The following LRRC37A2 variants were observed in gnomAD, a reference collection of about 807,000 sequenced individuals.
LRRC37A2 encodes the protein leucine rich repeat containing 37 member A2, also known as leucine-rich repeat-containing protein 37A2.
Under a neutral mutation model 68.8 loss-of-function variants are expected in LRRC37A2, and 9 were observed. That is an observed-to-expected ratio of 0.13 (90% confidence interval 0.08 to 0.23). The LOEUF is 0.23. Among genes scored for constraint, LRRC37A2 ranks in the 10% least tolerant of loss-of-function variants. LRRC37A2 has a pLI of 1.00. For missense variants in LRRC37A2, 168 were observed against 950.4 expected, an observed-to-expected ratio of 0.18 and a Z score of 10.82; for synonymous variants, 63 against 367.6, an observed-to-expected ratio of 0.17 and a Z score of 9.48.
chr17:46,931,746 A>G, the LRRC37A2 span: 4 of 418,790 alleles, frequency 9.6e-6, no homozygotes, highest in Non-Finnish European at 1.3e-5. Context: ...CAGGAGAGCC[A>G]TATAATCCAT....
chr17:46,869,350 G>A, the LRRC37A2 span, among the ~76,000 whole-genome samples: 3 of 152,222 alleles, frequency 2.0e-5, no homozygotes, highest in African/African-American at 7.2e-5. Context: ...CACTGGCCAT[G>A]CAGAGCTGGG....
At chr17:47,020,184 GATCT>G in the LRRC37A2 span, among the ~76,000 whole-genome samples, 1 of 150,032 alleles carries the variant, frequency 6.7e-6, no homozygotes, top group Admixed American at 6.6e-5. Flanking sequence ...TTTGAACCCA[GATCT>G]ATTTATTAGC....
At chr17:47,033,528 C>T in the LRRC37A2 span, 1 of 602,614 alleles carries the variant, frequency 1.7e-6, no homozygotes, top group Non-Finnish European at 2.9e-6. Flanking sequence ...GGGATTCTAG[C>T]ATAGATCATT....
At chr17:46,439,201 GAA>G in the LRRC37A2 span, among the ~76,000 whole-genome samples, 4 of 69,586 alleles carry the variant, frequency 5.7e-5, no homozygotes, top group African/African-American at 2.3e-4. Flanking sequence ...CTATGTTTAT[GAA>G]AAGACTTTTA....
At chr17:47,020,781 CAAAAAAAAAAAAA>C in the LRRC37A2 span, among the ~76,000 whole-genome samples, 3 of 20,118 alleles carry the variant, frequency 1.5e-4, no homozygotes, top group East Asian at 9.3e-4. Flanking sequence ...GACTCCATCT[CAAAAAAAAAAAAA>C]AAAAAAAAAA....
the LRRC37A2 span, among the ~76,000 whole-genome samples, chr17:46,896,328 A>C: frequency 6.6e-6 from 1 of 150,756 alleles, no homozygotes; most frequent in Non-Finnish European, 1.5e-5. Context: ...AGAAAGAGAG[A>C]AAGAGAGAGA....
the LRRC37A2 span, among the ~76,000 whole-genome samples, chr17:46,788,653 T>C: frequency 2.0e-5 from 3 of 152,174 alleles, no homozygotes; most frequent in Admixed American, 1.3e-4. Context: ...ACCGACTCCA[T>C]TGATGGTGAG....
chr17:46,784,686 A>G, the LRRC37A2 span, among the ~76,000 whole-genome samples: 1 of 151,712 alleles, frequency 6.6e-6, no homozygotes, highest in Non-Finnish European at 1.5e-5. Context: ...CATATTCCGG[A>G]CGAGGTCCCC....
chr17:46,539,390 G>A, intron 6 of LRRC37A2, among the ~76,000 whole-genome samples: 1 of 139,460 alleles, frequency 7.2e-6, no homozygotes, highest in African/African-American at 2.7e-5. Context: ...CTTCTTCTTT[G>A]GCTATAAAGC....
the LRRC37A2 span, among the ~76,000 whole-genome samples, chr17:46,874,482 G>C: frequency 6.6e-6 from 1 of 152,206 alleles, no homozygotes; most frequent in African/African-American, 2.4e-5. Flanking sequence ...TCTTCTCTGA[G>C]AGGTGAAGGC....
chr17:46,919,440 G>A, the LRRC37A2 span, among the ~76,000 whole-genome samples: 1 of 152,172 alleles, frequency 6.6e-6, no homozygotes, highest in African/African-American at 2.4e-5. Context: ...AAAGACTTAA[G>A]AGACTGAGAG....
chr17:46,786,031 C>A, the LRRC37A2 span, among the ~76,000 whole-genome samples: 8 of 152,180 alleles, frequency 5.3e-5, no homozygotes, highest in Admixed American at 5.2e-4. Context: ...GTGTTGTGAG[C>A]ATGAAGTGCT....
chr17:46,766,772 A>G, the LRRC37A2 span, among the ~76,000 whole-genome samples: 3 of 152,094 alleles, frequency 2.0e-5, no homozygotes, highest in Admixed American at 6.5e-5. Flanking sequence ...AGTAGCTCAG[A>G]GGTGCCCTGT....
At chr17:47,006,400 T>TC in the LRRC37A2 span, among the ~76,000 whole-genome samples, 1 of 151,758 alleles carries the variant, frequency 6.6e-6, no homozygotes, top group Admixed American at 6.6e-5. Flanking sequence ...TCACCTGAAG[T>TC]CAGGAGTTCG....
At chr17:46,861,054 G>T in the LRRC37A2 span, among the ~76,000 whole-genome samples, 2 of 152,090 alleles carry the variant, frequency 1.3e-5, no homozygotes, top group African/African-American at 4.8e-5. Flanking sequence ...GTGCGTGTTG[G>T]GGGGAAACTG....
At chr17:47,018,561 G>A in the LRRC37A2 span, 1,675 of 1,520,200 alleles carry the variant, frequency 1.1e-3, 25 homozygotes, top group African/African-American at 0.02. Context: ...CATCCAGCAC[G>A]GGGGCCCACA....
At chr17:46,997,241 A>G in the LRRC37A2 span, among the ~76,000 whole-genome samples, 3 of 152,050 alleles carry the variant, frequency 2.0e-5, no homozygotes, top group African/African-American at 7.3e-5. Flanking sequence ...AGTCTCAGCT[A>G]CTCAGGTGGC....
At chr17:46,871,455 T>C in the LRRC37A2 span, among the ~76,000 whole-genome samples, 1 of 152,076 alleles carries the variant, frequency 6.6e-6, no homozygotes, top group Non-Finnish European at 1.5e-5. Flanking sequence ...TGCCCCCTCG[T>C]AAATCCTTTG....
the LRRC37A2 span, among the ~76,000 whole-genome samples, chr17:46,719,077 C>T: frequency 2.0e-5 from 3 of 152,132 alleles, no homozygotes; most frequent in Non-Finnish European, 4.4e-5. This position sits in a 1 kb window ranked among gnomAD's most constrained non-coding sequence, Gnocchi z 4.3. Context: ...GATTCTCACC[C>T]GTACTTGATA....
Sources: gnomAD v4.1 joint callset for allele counts (sites outside exome capture counted in the v4.1 genomes callset) on GRCh38, gnomAD v4.1.1 for gene constraint, Gnocchi (gnomAD v3.1) non-coding constraint, MANE v1.5 for transcripts, NCBI Gene and HGNC (gene_info 2026-07-23, HGNC 2026-07-21) for gene names.